Variants in TTI2 observed in about 807,000 individuals in gnomAD.
TTI2 encodes the protein TELO2 interacting protein 2, also known as TELO2-interacting protein 2.
Under a neutral mutation model 44.9 loss-of-function variants are expected in TTI2, and 26 were observed. The ratio of observed to expected loss-of-function variants is 0.58; its 90% CI spans 0.42 to 0.80. The LOEUF (loss-of-function observed/expected upper bound fraction) is 0.80. TTI2 is among the 30% of genes least tolerant of loss of function. The pLI is 0.00. For missense variants in TTI2, 582 were observed against 611.6 expected, an observed-to-expected ratio of 0.95 and a Z score of 0.51; for synonymous variants, 254 against 250.9, an observed-to-expected ratio of 1.01 and a Z score of -0.12.
intron 6 of TTI2, 149 bp downstream of exon 6, chr8:33,503,280 C>A: frequency 8.7e-7 from 1 of 1,148,882 alleles, no homozygotes; most frequent in East Asian, 2.6e-5. Flanking sequence ...ATGCCATTTT[C>A]TCAGTTTAAA....
intron 4 of TTI2, among the ~76,000 whole-genome samples, chr8:33,504,813 G>T (rs770361790): frequency 1.3e-5 from 2 of 152,132 alleles, no homozygotes; most frequent in Non-Finnish European, 2.9e-5. Flanking sequence ...GGGACCTTTG[G>T]TTTTTCTCTT....
intron 6 of TTI2, among the ~76,000 whole-genome samples, chr8:33,502,545 C>T (rs901495808): frequency 2.6e-5 from 4 of 151,928 alleles, no homozygotes; most frequent in African/African-American, 7.3e-5. Flanking sequence ...AGATATATAG[C>T]CAGGCACAGT....
intron 2 of TTI2, among the ~76,000 whole-genome samples, 173 bp from the exon 3 acceptor site, chr8:33,510,105 A>G (rs1057184880): frequency 6.6e-6 from 1 of 152,172 alleles, no homozygotes; most frequent in Non-Finnish European, 1.5e-5. Flanking sequence ...CTGGATTAAA[A>G]TAACTTCCAT....
Position 33,500,478 on chromosome 8 carries a change from T to C in TTI2, c.1272A>G (p.Arg424=), listed in dbSNP as rs1252198754. 6.2e-7 allele frequency: 1 copy of C among 1,614,058 alleles called. No individual in the cohort carries two copies. The highest frequency in any genetic ancestry group is 1.1e-5 in the South Asian group (1 of 91,080). ...MQHTWPRVSC[R]LVVLLKALLK... The stretch of plus-strand genomic sequence containing the variant: ...AGAGGGCCTTCAGTAAGACCACAAG[T>C]CTGCAGGAAACTCTGGAATCAGGAA... The change falls in exon 7 of 8, where the codon AGA becomes AGG. Residue 424 remains arginine (R), a synonymous_variant. Coordinates refer to ENST00000431156, the MANE Select transcript of TTI2 (RefSeq NM_001102401.4).
In TTI2 at chr8:33,512,324, T is replaced by G. The variant is rs752200108; in HGVS notation, c.290A>C (p.Lys97Thr). The G allele has an allele frequency of 7.2e-5, 117 of 1,614,044 alleles. No homozygotes were observed. The highest frequency in any genetic ancestry group is 8.4e-5 in the Non-Finnish European group (99 of 1,180,014). ...CCCATCACCTCCACCTTCCTCCTCC[T>G]TGGAGGGGGCTGCATACTTCTCCAG... is the stretch of plus-strand genomic sequence containing the variant. ...KALEKYAAPSKEEEGGGDGHS... is the reference protein window; with the variant it reads ...KALEKYAAPSTEEEGGGDGHS... Residue 97 changes from lysine (K) to threonine (T), a missense_variant, in exon 2 of 8, where the codon AAG (lysine) becomes ACG (threonine). Lys to Thr is a moderately conservative substitution (Grantham distance 78). Transcript: ENST00000431156.
At chr8:33,499,409 A>G in intron 7 of TTI2, 132 bp from the exon 8 acceptor site, 1 of 695,562 alleles carries the variant, frequency 1.4e-6, no homozygotes, top group Non-Finnish European at 2.6e-6. Flanking sequence ...CAGGTCACTA[A>G]GCAGAATAGG....
chr8:33,500,421 T>C lies in TTI2; in HGVS notation c.1329A>G (p.Pro443=). ...LKLICDVARD[P]NLTPESVKSA... ...TCTTAACAGACTCAGGTGTAAGGTT[T>C]GGATCCCTTGCTACATCACAAATCA... The change falls in exon 7 of 8, where the codon CCA becomes CCG. Residue 443 remains proline (P), a synonymous_variant. Coordinates refer to ENST00000431156, the MANE Select transcript of TTI2 (RefSeq NM_001102401.4). The C allele has an allele frequency of 3.7e-6, 6 of 1,614,156 alleles. No homozygotes were observed. The highest frequency in any genetic ancestry group is 4.2e-6 in the Non-Finnish European group (5 of 1,180,020).
rs911423925 is a variant in TTI2, at chr8:33,498,927, A to G, written c.*246T>C. ...TGAGATGACGGATGTAAATATTTCTAAATTTTAAATGCTACATTACTTGGT... is the reference window on the plus strand; with the variant it reads ...TGAGATGACGGATGTAAATATTTCTGAATTTTAAATGCTACATTACTTGGT... On this transcript the variant is annotated 3_prime_UTR_variant, in exon 8 of 8. Transcript: ENST00000431156. 2.2e-5 allele frequency: 13 copies of G among 578,366 alleles called. No individual in the cohort carries two copies. The highest frequency in any genetic ancestry group is 2.2e-4 in the African/African-American group (12 of 53,414). 35.8% of individuals were successfully genotyped at this position (578,366 alleles called of 1,614,324 possible). A position where few individuals can be genotyped will look rare whatever the true frequency, so the allele number is the denominator to read the frequency against.
At chr8:33,509,477 G>T (rs2676427) in intron 3 of TTI2, among the ~76,000 whole-genome samples, 1 of 119,132 alleles carries the variant, frequency 8.4e-6, no homozygotes, top group Non-Finnish European at 1.7e-5. Flanking sequence ...AAAAAAAAAA[G>T]AAAGAAAGAA....
At position 33,500,311 on chromosome 8, in the gene TTI2, G is replaced by C; in HGVS notation, c.1422+17C>G. The stretch of plus-strand genomic sequence containing the variant: ...GATAATGAGGCCCAACTGAAACCAA[G>C]TTTCAGTCTGCCTTACCTTTACCCG... On this transcript the variant is annotated intron_variant, in intron 7 of 7. Coordinates refer to ENST00000431156, the MANE Select transcript of TTI2 (RefSeq NM_001102401.4). The C allele has an allele frequency of 6.2e-7, 1 of 1,613,996 alleles. No homozygotes were observed. The highest frequency in any genetic ancestry group is 8.5e-7 in the Non-Finnish European group (1 of 1,179,922).
At chr8:33,508,639 A>AAAAAAG (rs1554527751) in intron 3 of TTI2, among the ~76,000 whole-genome samples, 10 of 148,164 alleles carry the variant, frequency 6.7e-5, no homozygotes, top group African/African-American at 2.5e-4. Context: ...AAAAAAAAAA[A>AAAAAAG]GGGCAGGGGG....
intron 6 of TTI2, among the ~76,000 whole-genome samples, chr8:33,501,956 T>C (rs1010169487): frequency 2.6e-5 from 4 of 152,118 alleles, no homozygotes; most frequent in African/African-American, 4.8e-5. Context: ...TTTTTTTTTA[T>C]ATTTTGAGAC....
At position 33,509,946 on chromosome 8, in the gene TTI2, T is replaced by C. The variant is rs1335905441; in HGVS notation, c.648-14A>G. 2 of 1,378,184 alleles carry C rather than the reference T, an allele frequency of 1.5e-6. No individual in the cohort carries two copies. Among genetic ancestry groups the C allele is most frequent in the East Asian group, 2.8e-5 (1 of 35,804 alleles). The allele number at this position is 1,378,184 out of a possible 1,614,324, so 85.4% of individuals were successfully genotyped here. ...TTCCAGGATTCCCTAAGTGAATACA[T>C]AGAATTACATTAAGTGACATGGTGA... On this transcript the variant is annotated splice_polypyrimidine_tract_variant and intron_variant, in intron 2 of 7. Coordinates refer to ENST00000431156, the MANE Select transcript of TTI2 (RefSeq NM_001102401.4).
Position 33,509,945 on chromosome 8 carries a change from A to G in TTI2, c.648-13T>C, listed in dbSNP as rs578197387. 3.5e-5 allele frequency: 54 copies of G among 1,549,640 alleles called. No homozygotes were observed. In the South Asian group the frequency reaches 5.0e-4, roughly 14 times the overall value. ...CTTCCAGGATTCCCTAAGTGAATAC[A>G]TAGAATTACATTAAGTGACATGGTG... On this transcript the variant is annotated splice_polypyrimidine_tract_variant and intron_variant, in intron 2 of 7. Transcript: ENST00000431156.
intron 4 of TTI2, among the ~76,000 whole-genome samples, chr8:33,504,295 T>TTTTTG (rs1249116730): frequency 8.0e-6 from 1 of 125,710 alleles, no homozygotes; most frequent in African/African-American, 3.3e-5. Flanking sequence ...ACACATTTTT[T>TTTTTG]TTTTTTTTTT....
At chr8:33,511,579 G>T (rs1357057946) in intron 2 of TTI2, among the ~76,000 whole-genome samples, 1 of 152,010 alleles carries the variant, frequency 6.6e-6, no homozygotes, top group African/African-American at 2.4e-5. Context: ...CTTCCTTTGA[G>T]GTATAACGCT....
intron 4 of TTI2, among the ~76,000 whole-genome samples, chr8:33,506,568 T>C (rs1429926508): frequency 1.3e-5 from 2 of 151,816 alleles, no homozygotes; most frequent in Non-Finnish European, 2.9e-5. Context: ...ATTTTTCCTA[T>C]TTTTAGTAGA....
intron 2 of TTI2, among the ~76,000 whole-genome samples, chr8:33,510,646 G>C (rs898401736): frequency 5.9e-5 from 9 of 152,032 alleles, no homozygotes; most frequent in Non-Finnish European, 1.0e-4. Context: ...CAAAGTACTG[G>C]GATTACAGGT....
intron 4 of TTI2, among the ~76,000 whole-genome samples, chr8:33,504,407 G>A (rs557579399): frequency 5.0e-5 from 7 of 141,104 alleles, no homozygotes; most frequent in African/African-American, 1.6e-4. Flanking sequence ...AGCGATTCTC[G>A]TGCCTCAGCC....
Sources: allele counts gnomAD v4.1 joint callset (sites outside exome capture counted in the v4.1 genomes callset), GRCh38; gene constraint gnomAD v4.1.1; transcripts MANE v1.5; gene names NCBI Gene and HGNC (gene_info 2026-07-23, HGNC 2026-07-21).